The following FAM53B variants were observed in gnomAD, a reference collection of about 807,000 sequenced individuals.
FAM53B encodes protein FAM53B.
In FAM53B, 12 loss-of-function variants were observed where a neutral mutation model predicts 32.7. That is an observed-to-expected ratio of 0.37 (90% CI 0.24 to 0.59). FAM53B has a LOEUF of 0.59. FAM53B is among the 20% of genes least tolerant of loss of function. The pLI, the probability that FAM53B is intolerant of heterozygous loss-of-function variation, is 0.72. For synonymous variants in FAM53B, 234 were observed against 228.7 expected, an observed-to-expected ratio of 1.02 and a Z score of -0.21; for missense variants, 477 against 577.7, an observed-to-expected ratio of 0.83 and a Z score of 1.79.
At chr10:124,705,411 T>G (rs540198364) in intron 2 of FAM53B, among the ~76,000 whole-genome samples, 1 of 152,342 alleles carries the variant, frequency 6.6e-6, no homozygotes, top group African/African-American at 2.4e-5. Flanking sequence ...AAGCCACTTC[T>G]TCTCACCCTT....
intron 4 of FAM53B, among the ~76,000 whole-genome samples, chr10:124,674,362 C>A (rs912148390): frequency 1.3e-5 from 2 of 152,216 alleles, no homozygotes; most frequent in African/African-American, 4.8e-5. Flanking sequence ...GTCCTGGGCA[C>A]ACAGAACTAA....
Position 124,682,114 on chromosome 10 carries a change from C to T in FAM53B, c.399G>A (p.Leu133=). The T allele has an allele frequency of 1.2e-6, 2 of 1,613,724 alleles. No homozygotes were observed. Among genetic ancestry groups the T allele is most frequent in the South Asian group, 2.2e-5 (2 of 91,052 alleles). Residue 133 remains leucine (L), a synonymous_variant, in exon 4 of 5, where the codon TTG becomes TTA. Coordinates refer to ENST00000337318, the MANE Select transcript of FAM53B (RefSeq NM_014661.4). This position sits in a 1 kb window ranked among gnomAD's most constrained non-coding sequence, Gnocchi z 5.2. ...MSSCRTSWRP[L]GSKVWTPVEK... ...CCACGGGAGTCCAGACTTTGGAGCC[C>T]AAGGGCCTCCATGATGTCCGGCAAC...
At chr10:124,636,655 G>A (rs1589732715) in intron 4 of FAM53B, among the ~76,000 whole-genome samples, 2 of 141,642 alleles carry the variant, frequency 1.4e-5, no homozygotes, top group Admixed American at 1.4e-4. Context: ...AGAGGCCCAC[G>A]TTGGCCACTG....
At chr10:124,626,054 C>T (rs533774807) in intron 4 of FAM53B, among the ~76,000 whole-genome samples, 98 of 152,368 alleles carry the variant, frequency 6.4e-4, no homozygotes, top group African/African-American at 2.3e-3. Context: ...GCACTGAGGC[C>T]GACTGCCTTG....
chr10:124,720,411 T>C (rs999214002), intron 1 of FAM53B, among the ~76,000 whole-genome samples: 13 of 152,126 alleles, frequency 8.5e-5, no homozygotes, highest in Non-Finnish European at 1.9e-4. Context: ...CAGTCAGCCA[T>C]GATCACACCA....
chr10:124,627,811 C>T (rs967907097), intron 4 of FAM53B, among the ~76,000 whole-genome samples: 7 of 72,778 alleles, frequency 9.6e-5, no homozygotes, highest in Non-Finnish European at 2.1e-4. Flanking sequence ...CTGCCCCAGC[C>T]GGCCTCCCTA....
intron 4 of FAM53B, among the ~76,000 whole-genome samples, chr10:124,677,566 A>T (rs1794901853): frequency 6.6e-6 from 1 of 152,206 alleles, no homozygotes; most frequent in African/African-American, 2.4e-5. Flanking sequence ...TCCTTGCGTC[A>T]TTTCCCCCAT....
At chr10:124,741,525 G>A (rs1436856536) in intron 1 of FAM53B, among the ~76,000 whole-genome samples, 1 of 152,200 alleles carries the variant, frequency 6.6e-6, no homozygotes, top group East Asian at 1.9e-4. Flanking sequence ...CCTCCAAAAG[G>A]GGAGGAGAGC....
intron 4 of FAM53B, among the ~76,000 whole-genome samples, chr10:124,643,726 A>G (rs1019438861): frequency 2.6e-5 from 4 of 152,214 alleles, no homozygotes; most frequent in African/African-American, 9.7e-5. Context: ...AGGCTAATTA[A>G]AAACGTGATT....
Position 124,690,796 on chromosome 10 carries a change from T to C in FAM53B, c.133+5362A>G, listed in dbSNP as rs80079074. 4.3e-3 allele frequency among the ~76,000 whole-genome samples: 654 copies of C among 152,262 alleles called. 2 individuals carry two copies. The highest frequency in any genetic ancestry group is 0.015 in the African/African-American group (620 of 41,534). ...TAATAAAGCAAACCCTAAAAAGTCA[T>C]ATATATATACATACTTACATATGGA... On this transcript the variant is annotated intron_variant, in intron 3 of 4. Coordinates refer to ENST00000337318, the MANE Select transcript of FAM53B (RefSeq NM_014661.4).
intron 1 of FAM53B, chr10:124,742,915 T>A (rs1950207850): frequency 6.6e-6 from 1 of 152,092 alleles, no homozygotes; most frequent in Admixed American, 6.5e-5. Context: ...CAGAATCCCA[T>A]TCATCAAACG....
chr10:124,675,849 TC>T (rs1379418129), intron 4 of FAM53B, among the ~76,000 whole-genome samples: 1 of 152,214 alleles, frequency 6.6e-6, no homozygotes, highest in African/African-American at 2.4e-5. Flanking sequence ...CCCCAACTCT[TC>T]CTGTACTCTA....
chr10:124,711,739 C>T (rs1950005261), intron 1 of FAM53B, among the ~76,000 whole-genome samples: 1 of 152,150 alleles, frequency 6.6e-6, no homozygotes, highest in Non-Finnish European at 1.5e-5. Flanking sequence ...AATCACTCGA[C>T]TTCAGTTTCC....
intron 1 of FAM53B, among the ~76,000 whole-genome samples, chr10:124,724,036 C>T (rs987121911): frequency 6.6e-6 from 1 of 152,182 alleles, no homozygotes; most frequent in Non-Finnish European, 1.5e-5. Context: ...GCAGGTGATA[C>T]ATAACTAAGT....
intron 4 of FAM53B, among the ~76,000 whole-genome samples, chr10:124,677,928 C>T (rs970243139): frequency 6.6e-6 from 1 of 152,196 alleles, no homozygotes; most frequent in Non-Finnish European, 1.5e-5. Flanking sequence ...ATCCAATTGT[C>T]ACCATTTCAT....
chr10:124,729,675 C>T (rs1055836903), intron 1 of FAM53B, among the ~76,000 whole-genome samples: 4 of 152,222 alleles, frequency 2.6e-5, no homozygotes, highest in Non-Finnish European at 5.9e-5. Context: ...CCAGCCATTC[C>T]TAACAGGAGC....
chr10:124,635,803 A>G (rs1475554418), intron 4 of FAM53B, among the ~76,000 whole-genome samples: 1 of 152,202 alleles, frequency 6.6e-6, no homozygotes, highest in Non-Finnish European at 1.5e-5. Flanking sequence ...CAAAGTGGGT[A>G]CATCTGTGCA....
At chr10:124,629,230 C>T (rs1949375040) in intron 4 of FAM53B, among the ~76,000 whole-genome samples, 1 of 152,058 alleles carries the variant, frequency 6.6e-6, no homozygotes, top group Admixed American at 6.5e-5. Context: ...CTCGGTTAGT[C>T]GGTGTCTTAA....
At chr10:124,636,902 G>T (rs966044556) in intron 4 of FAM53B, among the ~76,000 whole-genome samples, 3 of 151,838 alleles carry the variant, frequency 2.0e-5, no homozygotes, top group African/African-American at 7.3e-5. Context: ...ATGCAGAGGC[G>T]GAGTTCCCAG....
Sources: gnomAD v4.1 joint callset for allele counts (sites outside exome capture counted in the v4.1 genomes callset) on GRCh38, gnomAD v4.1.1 for gene constraint, Gnocchi (gnomAD v3.1) non-coding constraint, MANE v1.5 for transcripts, NCBI Gene and HGNC (gene_info 2026-07-23, HGNC 2026-07-21) for gene names.